SPOCK3: variants seen among roughly 807,000 people sequenced by gnomAD.
The protein encoded by SPOCK3 is testican-3.
A neutral mutation model predicts 56.6 loss-of-function variants in SPOCK3; 30 were observed. The ratio of observed to expected loss-of-function variants is 0.53; its 90% CI spans 0.40 to 0.72. The LOEUF (loss-of-function observed/expected upper bound fraction) is 0.72, where lower values mean the gene tolerates loss of function less well. SPOCK3 is among the 30% of genes least tolerant of loss of function. The probability of loss-of-function intolerance (pLI) is 0.00; values close to 1 mark genes in which losing one functional copy is unlikely to be tolerated. For synonymous variants in SPOCK3, 196 were observed against 183.3 expected (o/e 1.07, Z -0.56); for missense variants, 527 against 530.0 (o/e 0.99, Z 0.06).
At chr4:166,859,372 G>A (rs1265558715) in intron 6 of SPOCK3, among the ~76,000 whole-genome samples, 1 of 152,062 alleles carries the variant, frequency 6.6e-6, no homozygotes, top group South Asian at 2.1e-4. Context: ...TCTAATAGAG[G>A]TTTATGTCTT....
chr4:166,736,997 C>A (rs1734279273), intron 10 of SPOCK3, among the ~76,000 whole-genome samples: 1 of 152,078 alleles, frequency 6.6e-6, no homozygotes, highest in Admixed American at 6.6e-5. Flanking sequence ...AGGAAACATG[C>A]TCATATAGCT....
intron 6 of SPOCK3, among the ~76,000 whole-genome samples, chr4:166,846,129 A>G (rs538820628): frequency 2.0e-5 from 3 of 152,308 alleles, no homozygotes; most frequent in South Asian, 4.1e-4. Flanking sequence ...CTCCATTATA[A>G]TCTATGAGAC....
intron 8 of SPOCK3, among the ~76,000 whole-genome samples, chr4:166,745,922 A>C (rs985853201): frequency 2.6e-5 from 4 of 152,244 alleles, no homozygotes; most frequent in African/African-American, 9.6e-5. Flanking sequence ...GCATGAATTC[A>C]ACAAGAAGAG....
At chr4:167,204,825 A>ATATT (rs948720592) in intron 2 of SPOCK3, among the ~76,000 whole-genome samples, 7 of 151,476 alleles carry the variant, frequency 4.6e-5, no homozygotes, top group African/African-American at 1.5e-4. Flanking sequence ...AATGAAAATC[A>ATATT]TATTTATTTA....
At chr4:167,217,306 C>G (rs144731203) in intron 2 of SPOCK3, among the ~76,000 whole-genome samples, 1 of 151,496 alleles carries the variant, frequency 6.6e-6, no homozygotes, top group Admixed American at 6.6e-5. Flanking sequence ...CTGAAAATAC[C>G]GAGGAAAAAA....
intron 3 of SPOCK3, among the ~76,000 whole-genome samples, chr4:167,019,662 C>T (rs1469025524): frequency 6.6e-6 from 1 of 151,872 alleles, no homozygotes; most frequent in Non-Finnish European, 1.5e-5. Context: ...CAATTTTGTA[C>T]CTGTACACAT....
Position 166,977,492 on chromosome 4 carries a change from A to G in SPOCK3, c.350+22857T>C, listed in dbSNP as rs145253107. 1.8e-4 allele frequency among the ~76,000 whole-genome samples: 28 copies of G among 152,218 alleles called. No individual in the cohort carries two copies. The East Asian group carries it at 3.9e-3, about 21-fold the overall frequency. On this transcript the variant is annotated intron_variant, in intron 4 of 10. Transcript: ENST00000357545. Reference sequence around the variant, plus strand: ...CATAATCATAGCATTCTCTGATAATATTGTATCTTTTCCTTGCCAATTTTT... The same window carrying G: ...CATAATCATAGCATTCTCTGATAATGTTGTATCTTTTCCTTGCCAATTTTT...
intron 3 of SPOCK3, among the ~76,000 whole-genome samples, chr4:167,060,582 TA>T (rs1350017501): frequency 6.6e-6 from 1 of 152,140 alleles, no homozygotes; most frequent in Admixed American, 6.6e-5. Context: ...GTTTATCAAC[TA>T]TATATGTTCA....
intron 4 of SPOCK3, among the ~76,000 whole-genome samples, chr4:166,932,354 T>C (rs1243312478): frequency 2.0e-5 from 3 of 152,192 alleles, no homozygotes; most frequent in Non-Finnish European, 4.4e-5. Context: ...AAAAGCCTTT[T>C]TCCTACACAA....
chr4:167,232,796 C>A (rs980405694), intron 2 of SPOCK3, among the ~76,000 whole-genome samples: 1 of 152,152 alleles, frequency 6.6e-6, no homozygotes, highest in African/African-American at 2.4e-5. Flanking sequence ...ATTTGTGTTT[C>A]TTCAGGAATC....
intron 2 of SPOCK3, among the ~76,000 whole-genome samples, chr4:167,166,037 G>T (rs985576533): frequency 6.6e-6 from 1 of 151,996 alleles, no homozygotes; most frequent in Non-Finnish European, 1.5e-5. Context: ...TGGATGACAA[G>T]TTACTGCTCA....
intron 4 of SPOCK3, among the ~76,000 whole-genome samples, chr4:166,940,835 G>GCTAA (rs1197382618): frequency 6.9e-6 from 1 of 144,372 alleles, no homozygotes; most frequent in Non-Finnish European, 1.5e-5. Context: ...GTGCTTACTG[G>GCTAA]TAACTCCTCT....
intron 5 of SPOCK3, among the ~76,000 whole-genome samples, chr4:166,897,256 T>C (rs188359749): frequency 2.1e-3 from 322 of 152,226 alleles, no homozygotes; most frequent in Middle Eastern, 0.01. Context: ...TGTGTAGTGT[T>C]GGGGGACAAG....
intron 2 of SPOCK3, among the ~76,000 whole-genome samples, chr4:167,109,908 T>G (rs1164763479): frequency 6.6e-6 from 1 of 151,968 alleles, no homozygotes; most frequent in Non-Finnish European, 1.5e-5. Context: ...CCCACGCCCA[T>G]GTCCTCCTTT....
rs959555582 is a variant in SPOCK3, at chr4:167,192,911, A to G, written c.189+41074T>C. ...TTTCCTTATATTTGTGCATTTCCCA[A>G]TGTTCTGTTGTTATTGATTTCCAGT... On this transcript the variant is annotated intron_variant, in intron 2 of 10. Coordinates refer to ENST00000357545, the MANE Select transcript of SPOCK3 (RefSeq NM_001040159.2). Among the ~76,000 whole-genome samples the G allele has an allele frequency of 1.2e-4, 17 of 145,502 alleles. 2 individuals are homozygous for G. The highest frequency in any genetic ancestry group is 2.8e-4 in the Admixed American group (4 of 14,124).
chr4:167,152,479 C>T (rs1009856409), intron 2 of SPOCK3, among the ~76,000 whole-genome samples: 5 of 152,138 alleles, frequency 3.3e-5, no homozygotes, highest in African/African-American at 9.7e-5. Flanking sequence ...TCCAGACAGT[C>T]GAGTAGCATC....
At chr4:166,770,821 A>C (rs1560839266) in intron 7 of SPOCK3, among the ~76,000 whole-genome samples, 2 of 152,050 alleles carry the variant, frequency 1.3e-5, no homozygotes, top group South Asian at 4.1e-4. Context: ...GAGTAAAATA[A>C]TGGAACATTT....
At chr4:167,182,608 T>C (rs1731580728) in intron 2 of SPOCK3, among the ~76,000 whole-genome samples, 1 of 152,078 alleles carries the variant, frequency 6.6e-6, no homozygotes. Flanking sequence ...GGTGCAATCT[T>C]AGCTTACTGC....
chr4:166,803,372 G>A (rs544263423), intron 6 of SPOCK3, among the ~76,000 whole-genome samples: 118 of 152,220 alleles, frequency 7.8e-4, no homozygotes, highest in South Asian at 1.7e-3. Flanking sequence ...ACATTAGAGA[G>A]TACAAGTTGA....
Sources: allele counts gnomAD v4.1 joint callset (sites outside exome capture counted in the v4.1 genomes callset), GRCh38; gene constraint gnomAD v4.1.1; transcripts MANE v1.5; gene names NCBI Gene and HGNC (gene_info 2026-07-23, HGNC 2026-07-21).